The following ITPRID1 variants were observed in gnomAD, a reference collection of about 807,000 sequenced individuals.
The protein encoded by ITPRID1 is ITPR interacting domain containing 1.
In ITPRID1, 96 loss-of-function variants were observed where a neutral mutation model predicts 95.4. The ratio of observed to expected loss-of-function variants is 1.01; its 90% CI spans 0.85 to 1.19. The LOEUF (loss-of-function observed/expected upper bound fraction) is 1.19, where lower values mean the gene tolerates loss of function less well. ITPRID1 is among the 50% of genes most tolerant of loss of function. The pLI is 0.00. For synonymous variants in ITPRID1, 510 were observed against 453.6 expected, an observed-to-expected ratio of 1.12 and a Z score of -1.58; for missense variants, 1,339 against 1,252.9, an observed-to-expected ratio of 1.07 and a Z score of -1.04.
chr7:31,649,681 A>G (rs1278785527), intron 12 of ITPRID1, among the ~76,000 whole-genome samples: 1 of 152,144 alleles, frequency 6.6e-6, no homozygotes, highest in East Asian at 1.9e-4. Context: ...ATATTACTCA[A>G]AGTCAAATGG....
chr7:31,544,508 C>T (rs719967), intron 1 of ITPRID1, among the ~76,000 whole-genome samples: 33,693 of 151,994 alleles, frequency 0.22, 3,877 homozygotes, highest in East Asian at 0.33. Context: ...TCCATTATCC[C>T]ATCTTCAAGG....
chr7:31,583,291 T>C (rs1785472644), intron 10 of ITPRID1, 100 bp downstream of exon 10: 2 of 776,982 alleles, frequency 2.6e-6, no homozygotes, highest in East Asian at 5.3e-5. Context: ...AAATTATCTC[T>C]AGAAGGTACT....
chr7:31,657,807 T>G (rs559773285), downstream of ITPRID1, among the ~76,000 whole-genome samples: 1 of 152,252 alleles, frequency 6.6e-6, no homozygotes, highest in Non-Finnish European at 1.5e-5. Context: ...GCAAAACTTC[T>G]CATTATGAGA....
chr7:31,557,357 T>C (rs1784482185), intron 5 of ITPRID1, among the ~76,000 whole-genome samples: 1 of 151,998 alleles, frequency 6.6e-6, no homozygotes, highest in African/African-American at 2.4e-5. Context: ...TTCTAGTGAG[T>C]CTTCAGCCTT....
At chr7:31,543,617 A>G (rs6954657) in intron 1 of ITPRID1, among the ~76,000 whole-genome samples, 74,080 of 151,754 alleles carry the variant, frequency 0.49, 18,277 homozygotes, top group Middle Eastern at 0.51. Flanking sequence ...AGACTGTTTC[A>G]TTACTGTTGA....
In ITPRID1 at chr7:31,652,641, A is replaced by T. The variant is rs1229549015; in HGVS notation, c.2947A>T (p.Thr983Ser). The change falls in exon 15 of 15, where the codon ACT becomes TCT. Residue 983 changes from threonine to serine, a missense_variant. Physicochemically the swap from Thr to Ser is moderately conservative, Grantham distance 58 (BLOSUM62 1). Transcript: ENST00000615280. The part of the protein sequence containing the change: ...SKIHPGMAPR[T>S]VFPPDDGQEA... ...AATCCACCCAGGCATGGCCCCGAGG[A>T]CTGTGTTTCCTCCCGATGATGGCCA... 1 of 1,613,834 alleles carries T rather than the reference A, an allele frequency of 6.2e-7. No individual in the cohort carries two copies.
At chr7:31,548,004 C>T (rs10243603) in intron 1 of ITPRID1, among the ~76,000 whole-genome samples, 49,851 of 151,702 alleles carry the variant, frequency 0.33, 9,492 homozygotes, top group Non-Finnish European at 0.42. Flanking sequence ...ACATGAAAGA[C>T]AAATTTAAGA....
chr7:31,618,263 C>T (rs577278691), intron 10 of ITPRID1, among the ~76,000 whole-genome samples: 34 of 152,280 alleles, frequency 2.2e-4, no homozygotes, highest in Non-Finnish European at 4.4e-4. Context: ...TCACTTCTCC[C>T]TAAACAATAC....
chr7:31,535,300 T>C (rs1224599562), intron 1 of ITPRID1, among the ~76,000 whole-genome samples: 1 of 152,076 alleles, frequency 6.6e-6, no homozygotes, highest in Non-Finnish European at 1.5e-5. Context: ...ACTTTTGTGC[T>C]CTTGTTTTCA....
chr7:31,549,615 C>A, intron 2 of ITPRID1, 116 bp downstream of exon 2: 1 of 686,318 alleles, frequency 1.5e-6, no homozygotes, highest in South Asian at 3.0e-5. Flanking sequence ...GAAAATTTCC[C>A]CAAGATGTCA....
At chr7:31,602,114 C>T (rs185353026) in intron 10 of ITPRID1, among the ~76,000 whole-genome samples, 18 of 152,116 alleles carry the variant, frequency 1.2e-4, no homozygotes, top group Non-Finnish European at 1.8e-4. Context: ...CAGCCCCGAA[C>T]GACTTACACA....
At chr7:31,632,319 G>C (rs1180726925) in intron 10 of ITPRID1, among the ~76,000 whole-genome samples, 1 of 152,014 alleles carries the variant, frequency 6.6e-6, no homozygotes, top group East Asian at 1.9e-4. Flanking sequence ...GTGGTGGCAC[G>C]TGCCTGTAGT....
At chr7:31,658,369 A>T, downstream of ITPRID1, 1 of 1,518,748 alleles carries the variant, frequency 6.6e-7, no homozygotes, top group Non-Finnish European at 8.8e-7. Flanking sequence ...CTTTCTGAAG[A>T]CACAAGACTC....
At chr7:31,549,005 G>A (rs1453505162) in intron 1 of ITPRID1, among the ~76,000 whole-genome samples, 3 of 152,158 alleles carry the variant, frequency 2.0e-5, no homozygotes, top group South Asian at 2.1e-4. Flanking sequence ...AGGAAGGCCC[G>A]AACTGAGGCT....
intron 10 of ITPRID1, among the ~76,000 whole-genome samples, chr7:31,637,151 G>C (rs1437860184): frequency 6.6e-6 from 1 of 151,820 alleles, no homozygotes; most frequent in African/African-American, 2.4e-5. Flanking sequence ...GGACATTTGG[G>C]TTGGTTCCAA....
At chr7:31,555,895 T>C (rs143610595) in intron 5 of ITPRID1, among the ~76,000 whole-genome samples, 2 of 152,200 alleles carry the variant, frequency 1.3e-5, no homozygotes, top group African/African-American at 2.4e-5. Flanking sequence ...CAACCTTCTT[T>C]ATTTTTTCTA....
At chr7:31,644,065 A>G (rs1364582879) in intron 12 of ITPRID1, 112 bp downstream of exon 12, 2 of 921,648 alleles carry the variant, frequency 2.2e-6, no homozygotes, top group Admixed American at 5.6e-5. Flanking sequence ...AAACTTTTCT[A>G]TTTTAAATCA....
At chr7:31,574,809 T>C (rs187639290) in intron 8 of ITPRID1, 67 bp downstream of exon 8, 198 of 1,397,326 alleles carry the variant, frequency 1.4e-4, no homozygotes, top group Non-Finnish European at 1.8e-4. Context: ...GGCCACAGTG[T>C]AGGCGAGGAG....
At position 31,566,776 on chromosome 7, in the gene ITPRID1, A is replaced by G. The variant is rs182496426; in HGVS notation, c.257-2982A>G. ...TTCTCTCATCTGACAACTTCAATCA[A>G]TTGGCAGTGGTTTTATGCGTTTCAG... On this transcript the variant is annotated intron_variant, in intron 5 of 14. Coordinates refer to ENST00000615280, the MANE Select transcript of ITPRID1 (RefSeq NM_001257967.3). Among the ~76,000 whole-genome samples, 658 of 152,264 alleles carry G rather than the reference A, an allele frequency of 4.3e-3. 6 individuals are homozygous for G. The highest frequency in any genetic ancestry group is 0.015 in the African/African-American group (623 of 41,540).
Sources: allele counts gnomAD v4.1 joint callset (sites outside exome capture counted in the v4.1 genomes callset), GRCh38; gene constraint gnomAD v4.1.1; transcripts MANE v1.5; gene names NCBI Gene and HGNC (gene_info 2026-07-23, HGNC 2026-07-21).